The following CACHD1 variants were observed in gnomAD, a reference collection of about 807,000 sequenced individuals.
CACHD1 encodes VWFA and cache domain-containing protein 1.
A neutral mutation model predicts 138.7 loss-of-function variants in CACHD1; 71 were observed. The observed-to-expected ratio is 0.51, with a 90% CI of 0.42 to 0.62. The LOEUF is 0.62. CACHD1 is among the 20% of genes least tolerant of loss of function. The pLI, the probability that CACHD1 is intolerant of heterozygous loss-of-function variation, is 0.00. For missense variants in CACHD1, 1,389 were observed against 1,625.3 expected, an observed-to-expected ratio of 0.85 and a Z score of 2.50; for synonymous variants, 578 against 591.5, an observed-to-expected ratio of 0.98 and a Z score of 0.33.
intron 4 of CACHD1, among the ~76,000 whole-genome samples, chr1:64,615,850 A>G (rs549108252): frequency 3.3e-5 from 5 of 152,310 alleles, no homozygotes; most frequent in African/African-American, 9.6e-5. Flanking sequence ...GACACACAAT[A>G]TATCCAAAAC....
intron 1 of CACHD1, among the ~76,000 whole-genome samples, chr1:64,495,691 CT>C (rs11302911): frequency 0.83 from 122,112 of 147,998 alleles, 51,328 homozygotes; most frequent in East Asian, 0.96. Flanking sequence ...AAGAGAATTA[CT>C]TTTTTTTTTT....
chr1:64,612,858 A>G (rs1362681707), intron 4 of CACHD1, among the ~76,000 whole-genome samples: 8 of 152,172 alleles, frequency 5.3e-5, no homozygotes, highest in Admixed American at 4.6e-4. Flanking sequence ...TTTCAAGTCT[A>G]ATTATTTAAG....
intron 7 of CACHD1, 48 bp downstream of exon 7, chr1:64,634,308 G>A: frequency 7.6e-7 from 1 of 1,317,022 alleles, no homozygotes. Flanking sequence ...GATAAAGATG[G>A]CAATAGGAAT....
At chr1:64,688,769 C>T (rs957234493) in intron 26 of CACHD1, among the ~76,000 whole-genome samples, 5 of 152,034 alleles carry the variant, frequency 3.3e-5, no homozygotes, top group Non-Finnish European at 7.4e-5. Context: ...TCCCACCGCC[C>T]CAACCCCCAG....
chr1:64,549,309 A>G (rs776614388), intron 1 of CACHD1, among the ~76,000 whole-genome samples: 2 of 152,230 alleles, frequency 1.3e-5, no homozygotes, highest in Non-Finnish European at 2.9e-5. Context: ...TATGAACATT[A>G]CTAGAGACCT....
intron 1 of CACHD1, among the ~76,000 whole-genome samples, chr1:64,473,436 G>A (rs991220152): frequency 4.6e-5 from 7 of 152,134 alleles, no homozygotes; most frequent in African/African-American, 1.7e-4. Context: ...AATTATGTGG[G>A]TTTAGTTACC....
At chr1:64,614,120 C>T (rs994636477) in intron 4 of CACHD1, among the ~76,000 whole-genome samples, 7 of 152,202 alleles carry the variant, frequency 4.6e-5, no homozygotes, top group South Asian at 2.1e-4. Flanking sequence ...TCATTGTCCA[C>T]GTAAGGGTAT....
intron 2 of CACHD1, among the ~76,000 whole-genome samples, chr1:64,575,102 C>A (rs1646956951): frequency 6.6e-6 from 1 of 152,226 alleles, no homozygotes; most frequent in South Asian, 2.1e-4. Context: ...AGACTGTCCA[C>A]TATGATAGTA....
chr1:64,578,099 G>A lies in CACHD1; in HGVS notation c.262-4057G>A, dbSNP rs535257461. Among the ~76,000 whole-genome samples, 4 of 152,322 alleles carry A rather than the reference G, an allele frequency of 2.6e-5. 1 individual carries two copies. The highest frequency in any genetic ancestry group is 9.6e-5 in the African/African-American group (4 of 41,568). On this transcript the variant is annotated intron_variant, in intron 2 of 26. Transcript: ENST00000651257. ...TTATGTTAACAGAAATTCTCAGCCT[G>A]TGTGATTTGTCATATTTTAATATTT... is the stretch of plus-strand genomic sequence containing the variant.
At chr1:64,596,682 A>G (rs1206831320) in intron 3 of CACHD1, among the ~76,000 whole-genome samples, 3 of 152,192 alleles carry the variant, frequency 2.0e-5, no homozygotes, top group African/African-American at 7.2e-5. Context: ...CTGATCTGAT[A>G]CCAAGTTTTG....
At chr1:64,522,722 A>T (rs1557474352) in intron 1 of CACHD1, among the ~76,000 whole-genome samples, 2 of 152,084 alleles carry the variant, frequency 1.3e-5, no homozygotes, top group Non-Finnish European at 1.5e-5. Flanking sequence ...TTCAAAAGAA[A>T]CTTAAAAAAA....
intron 4 of CACHD1, among the ~76,000 whole-genome samples, chr1:64,608,245 A>G (rs1045895045): frequency 6.6e-6 from 1 of 152,328 alleles, no homozygotes; most frequent in East Asian, 1.9e-4. Context: ...CAGTGGCTAC[A>G]TCCCAAAGTC....
chr1:64,606,395 CTGTT>C (rs907731033), intron 4 of CACHD1, among the ~76,000 whole-genome samples: 3 of 152,074 alleles, frequency 2.0e-5, no homozygotes, highest in Non-Finnish European at 4.4e-5. Context: ...AATTGAGTGA[CTGTT>C]TGGTGTGCTT....
chr1:64,568,598 C>T (rs1244145635), intron 2 of CACHD1, among the ~76,000 whole-genome samples: 1 of 152,096 alleles, frequency 6.6e-6, no homozygotes, highest in Non-Finnish European at 1.5e-5. Context: ...ATACATGTAA[C>T]CTCTGTTCTG....
At chr1:64,595,331 TTGCTCTTCACAAGG>T (rs1187816492) in intron 3 of CACHD1, among the ~76,000 whole-genome samples, 1 of 152,144 alleles carries the variant, frequency 6.6e-6, no homozygotes, top group Non-Finnish European at 1.5e-5. Flanking sequence ...GACTAAACTT[TTGCTCTTCACAAGG>T]AGACTCTGAG....
intron 2 of CACHD1, among the ~76,000 whole-genome samples, chr1:64,566,479 T>TCTCC (rs1553133822): frequency 1.7e-5 from 2 of 120,752 alleles, no homozygotes; most frequent in African/African-American, 5.3e-5. Flanking sequence ...TGTTTTCAAT[T>TCTCC]CCCCCCCCCC....
intron 4 of CACHD1, among the ~76,000 whole-genome samples, chr1:64,617,923 A>G (rs1267716534): frequency 6.6e-6 from 1 of 152,180 alleles, no homozygotes; most frequent in African/African-American, 2.4e-5. Context: ...TACTAAAAAT[A>G]CAAAAAATTA....
At position 64,653,707 on chromosome 1, in the gene CACHD1, A is replaced by ACTTC. The variant is rs1649174324; in HGVS notation, c.1541-48_1541-45dup. The ACTTC allele has an allele frequency of 2.5e-6, 4 of 1,589,870 alleles. No homozygotes were observed. The East Asian group carries it at 9.0e-5, about 36-fold the overall frequency. Reference sequence around the variant, plus strand: ...CCATATTTCAAAACAGTGATTCAGAACTTCCTACAACATGTTTCTTATTAA... The same window carrying ACTTC: ...CCATATTTCAAAACAGTGATTCAGAACTTCCTTCCTACAACATGTTTCTTATTAA... On this transcript the variant is annotated intron_variant, in intron 10 of 26. Transcript: ENST00000651257.
chr1:64,532,299 G>T (rs1391170365), intron 1 of CACHD1, among the ~76,000 whole-genome samples: 1 of 152,070 alleles, frequency 6.6e-6, no homozygotes, highest in African/African-American at 2.4e-5. Flanking sequence ...GCCTACTATA[G>T]GCTGGTTCTA....
Sources: allele counts gnomAD v4.1 joint callset (sites outside exome capture counted in the v4.1 genomes callset), GRCh38; gene constraint gnomAD v4.1.1; transcripts MANE v1.5; gene names NCBI Gene and HGNC (gene_info 2026-07-23, HGNC 2026-07-21).